The following MAMDC2 variants were observed in gnomAD, a reference collection of about 807,000 sequenced individuals.
MAMDC2 encodes the protein MAM domain-containing protein 2.
A neutral mutation model predicts 89.8 loss-of-function variants in MAMDC2; 57 were observed. The observed-to-expected ratio is 0.63, with a 90% CI of 0.51 to 0.79. The LOEUF (loss-of-function observed/expected upper bound fraction) is 0.79. MAMDC2 is among the 30% of genes least tolerant of loss of function. The pLI is 0.00. For synonymous variants in MAMDC2, 313 were observed against 293.4 expected, an observed-to-expected ratio of 1.07 and a Z score of -0.68; for missense variants, 800 against 820.6, an observed-to-expected ratio of 0.97 and a Z score of 0.31.
chr9:70,142,356 G>C (rs2031252488), intron 8 of MAMDC2, among the ~76,000 whole-genome samples: 1 of 152,162 alleles, frequency 6.6e-6, no homozygotes, highest in South Asian at 2.1e-4. Flanking sequence ...TGATGTCAGA[G>C]AGGGAGATAG....
Position 70,226,239 on chromosome 9 carries a change from AG to A in MAMDC2, c.*209del, listed in dbSNP as rs1218222001. 7.8e-6 allele frequency: 3 copies of A among 386,416 alleles called. No individual in the cohort carries two copies. The highest frequency in any genetic ancestry group is 1.4e-5 in the Non-Finnish European group (3 of 214,014). 23.9% of individuals were successfully genotyped at this position (386,416 alleles called of 1,614,324 possible). On this transcript the variant is annotated 3_prime_UTR_variant, in exon 14 of 14. Transcript: ENST00000377182. The stretch of plus-strand genomic sequence containing the variant: ...ATATGACAACTGTTACTAGAAATAC[AG>A]GCTACTGGTTTTGCATAGATCATTC...
intron 2 of MAMDC2, among the ~76,000 whole-genome samples, chr9:70,073,008 T>G (rs536444172): frequency 1.3e-5 from 2 of 152,304 alleles, no homozygotes; most frequent in African/African-American, 4.8e-5. Flanking sequence ...CTAATTTTTG[T>G]ATTTTTAGTA....
intron 9 of MAMDC2, among the ~76,000 whole-genome samples, chr9:70,165,078 A>G (rs1213870541): frequency 1.3e-5 from 2 of 152,016 alleles, no homozygotes; most frequent in African/African-American, 4.8e-5. Flanking sequence ...ACTGCCTACA[A>G]TGAAATAAAC....
chr9:70,100,241 T>C (rs1414704806), intron 2 of MAMDC2, among the ~76,000 whole-genome samples: 1 of 152,192 alleles, frequency 6.6e-6, no homozygotes, highest in Non-Finnish European at 1.5e-5. Flanking sequence ...ACATCCTCAC[T>C]TTACCAAAGA....
chr9:70,141,486 A>AGCTATATATTAG (rs2031220426), intron 8 of MAMDC2, among the ~76,000 whole-genome samples: 1 of 152,236 alleles, frequency 6.6e-6, no homozygotes, highest in Admixed American at 6.5e-5. Context: ...TATATACGCA[A>AGCTATATATTAG]ACAAACTTAT....
At chr9:70,112,972 G>A in intron 4 of MAMDC2, 23 bp from the exon 5 acceptor site, 1 of 1,613,962 alleles carries the variant, frequency 6.2e-7, no homozygotes. Context: ...TCTCCATGAA[G>A]TGTTTTTGTT....
chr9:70,187,308 G>T (rs1371111022), intron 11 of MAMDC2, among the ~76,000 whole-genome samples: 1 of 151,458 alleles, frequency 6.6e-6, no homozygotes, highest in Non-Finnish European at 1.5e-5. Flanking sequence ...CTTTAGTTTG[G>T]GTATTTTCTC....
chr9:70,226,195 G>T lies in MAMDC2; in HGVS notation c.*163G>T, dbSNP rs1354759582. On this transcript the variant is annotated 3_prime_UTR_variant, in exon 14 of 14. Transcript: ENST00000377182. ...TTTTGCAAAAACATACTGACTCAGGGCTCTTTTTTTCTTTTTGCATATGAC... is the reference window on the plus strand; with the variant it reads ...TTTTGCAAAAACATACTGACTCAGGTCTCTTTTTTTCTTTTTGCATATGAC... 4 of 457,886 alleles carry T rather than the reference G, an allele frequency of 8.7e-6. No homozygotes were observed. Among genetic ancestry groups the T allele is most frequent in the Non-Finnish European group, 1.2e-5 (3 of 254,916 alleles). The allele number at this position is 457,886 out of a possible 1,614,324, so 28.4% of individuals were successfully genotyped here.
chr9:70,186,266 T>C (rs1332034510), intron 11 of MAMDC2, among the ~76,000 whole-genome samples: 1 of 152,194 alleles, frequency 6.6e-6, no homozygotes, highest in East Asian at 1.9e-4. Context: ...GAAGTGTTTT[T>C]CTTTTGCTAG....
intron 12 of MAMDC2, among the ~76,000 whole-genome samples, chr9:70,224,210 C>A (rs565577777): frequency 2.3e-5 from 1 of 42,822 alleles, no homozygotes; most frequent in Non-Finnish European, 6.4e-5. Context: ...CCAGAGAAAC[C>A]GAACCAGTAA....
intron 11 of MAMDC2, among the ~76,000 whole-genome samples, chr9:70,201,816 T>C (rs2033105198): frequency 6.9e-6 from 1 of 145,864 alleles, no homozygotes; most frequent in Non-Finnish European, 1.5e-5. Context: ...ATCCATTTCT[T>C]CTAGATTTTC....
intron 11 of MAMDC2, among the ~76,000 whole-genome samples, chr9:70,174,064 T>C (rs912161297): frequency 1.3e-5 from 2 of 152,246 alleles, no homozygotes; most frequent in Non-Finnish European, 2.9e-5. Flanking sequence ...ATTTTCTTTA[T>C]CTTTGTATTA....
intron 5 of MAMDC2, among the ~76,000 whole-genome samples, chr9:70,116,485 C>T (rs1490861101): frequency 4.0e-5 from 4 of 100,102 alleles, no homozygotes; most frequent in African/African-American, 9.1e-5. Context: ...CTTGACTAAA[C>T]CCTTAATTTC....
chr9:70,044,885 G>A (rs1826708512), intron 2 of MAMDC2, among the ~76,000 whole-genome samples, 188 bp downstream of exon 2: 1 of 152,254 alleles, frequency 6.6e-6, no homozygotes, highest in Non-Finnish European at 1.5e-5. Context: ...GGGCGGGCGG[G>A]AGGCCGCCCT....
At chr9:70,210,670 G>T (rs2033336603) in intron 11 of MAMDC2, among the ~76,000 whole-genome samples, 1 of 151,878 alleles carries the variant, frequency 6.6e-6, no homozygotes, top group South Asian at 2.1e-4. Context: ...ATTTGATCCT[G>T]TCATGACGTT....
At chr9:70,052,717 A>G (rs777172242) in intron 2 of MAMDC2, among the ~76,000 whole-genome samples, 9 of 152,216 alleles carry the variant, frequency 5.9e-5, no homozygotes, top group Non-Finnish European at 8.8e-5. Flanking sequence ...GCCATTGTTG[A>G]GATTGATGGA....
intron 11 of MAMDC2, among the ~76,000 whole-genome samples, chr9:70,182,713 A>AT (rs996596032): frequency 5.3e-5 from 8 of 151,948 alleles, no homozygotes; most frequent in African/African-American, 1.9e-4. Flanking sequence ...TCCCTTTATC[A>AT]TTTTTTATTG....
chr9:70,087,260 T>C (rs1218248469), intron 2 of MAMDC2: 1 of 152,196 alleles, frequency 6.6e-6, no homozygotes, highest in Non-Finnish European at 1.5e-5. Context: ...CAAATTGGCT[T>C]AAGCTAAAGA....
chr9:70,205,640 G>A (rs116654489), intron 11 of MAMDC2, among the ~76,000 whole-genome samples: 1,606 of 152,188 alleles, frequency 0.011, 28 homozygotes, highest in African/African-American at 0.037. Context: ...AGAACAGAGG[G>A]GACCCTGATC....
Sources: allele counts gnomAD v4.1 joint callset (sites outside exome capture counted in the v4.1 genomes callset), GRCh38; gene constraint gnomAD v4.1.1; transcripts MANE v1.5; gene names NCBI Gene and HGNC (gene_info 2026-07-23, HGNC 2026-07-21).